The following WASHC3 variants were observed in gnomAD, a reference collection of about 807,000 sequenced individuals.
The protein encoded by WASHC3 is WASH complex subunit CCDC53.
A neutral mutation model predicts 26.1 loss-of-function variants in WASHC3; 24 were observed. That is an observed-to-expected ratio of 0.92 (90% confidence interval 0.66 to 1.29). The LOEUF (loss-of-function observed/expected upper bound fraction) is 1.29, where lower values mean the gene tolerates loss of function less well. Ranked by LOEUF, WASHC3 falls within the 50% of genes most tolerant of loss-of-function variation. The probability of loss-of-function intolerance (pLI) is 0.00; values close to 1 mark genes in which losing one functional copy is unlikely to be tolerated. For missense variants in WASHC3, 214 were observed against 229.6 expected, an observed-to-expected ratio of 0.93 and a Z score of 0.44; for synonymous variants, 77 against 75.7, an observed-to-expected ratio of 1.02 and a Z score of -0.09.
At chr12:102,046,451 C>T (rs921263182) in intron 2 of WASHC3, among the ~76,000 whole-genome samples, 8 of 152,092 alleles carry the variant, frequency 5.3e-5, no homozygotes, top group African/African-American at 9.7e-5. Flanking sequence ...CGTGCCACCA[C>T]GCCCAGCTAA....
Position 102,061,363 on chromosome 12 carries a change from C to T in WASHC3, c.52-17G>A. On this transcript the variant is annotated splice_polypyrimidine_tract_variant and intron_variant, in intron 1 of 6. Coordinates refer to ENST00000240079, the MANE Select transcript of WASHC3 (RefSeq NM_016053.4). ...AGCTGGCACCTGTGTTACGTAAAAA[C>T]AAACATGGTTCATACAGGAGGAACG... is the stretch of plus-strand genomic sequence containing the variant. The T allele has an allele frequency of 1.9e-6, 3 of 1,552,200 alleles. No individual in the cohort carries two copies. The highest frequency in any genetic ancestry group is 2.7e-6 in the Non-Finnish European group (3 of 1,124,010).
At chr12:102,019,595 A>G (rs1876864113) in intron 6 of WASHC3, among the ~76,000 whole-genome samples, 1 of 152,220 alleles carries the variant, frequency 6.6e-6, no homozygotes, top group South Asian at 2.1e-4. Flanking sequence ...CATGAATATC[A>G]TGTATATTTT....
chr12:102,044,632 A>C, intron 3 of WASHC3, among the ~76,000 whole-genome samples: 1 of 152,220 alleles, frequency 6.6e-6, no homozygotes, highest in East Asian at 1.9e-4. Context: ...ATACTTCGAA[A>C]AAAAAGGGCT....
chr12:102,026,549 T>C (rs1334616133), intron 5 of WASHC3, among the ~76,000 whole-genome samples: 2 of 152,216 alleles, frequency 1.3e-5, no homozygotes, highest in Admixed American at 1.3e-4. Flanking sequence ...CCTGGGACTA[T>C]ATTACACATC....
chr12:102,043,362 T>A (rs1286102819), intron 4 of WASHC3, among the ~76,000 whole-genome samples: 2 of 152,030 alleles, frequency 1.3e-5, no homozygotes, highest in Admixed American at 1.3e-4. Context: ...CTCTGCCTCG[T>A]GGGCTCAAGT....
intron 5 of WASHC3, among the ~76,000 whole-genome samples, chr12:102,036,762 C>T (rs191984321): frequency 2.0e-5 from 3 of 152,220 alleles, no homozygotes; most frequent in Admixed American, 2.0e-4. Context: ...GATATACCCT[C>T]ACCGAAGGCA....
intron 4 of WASHC3, 197 bp from the exon 5 acceptor site, chr12:102,040,175 A>G: frequency 3.1e-6 from 1 of 325,344 alleles, no homozygotes; most frequent in South Asian, 8.0e-5. Flanking sequence ...CATTTCAGAG[A>G]AGGTTACATT....
intron 5 of WASHC3, among the ~76,000 whole-genome samples, chr12:102,035,704 T>C (rs1303880684): frequency 6.6e-6 from 1 of 152,170 alleles, no homozygotes; most frequent in Non-Finnish European, 1.5e-5. Context: ...AGCACCTTTA[T>C]GGGTAAGGTG....
chr12:102,051,945 T>C (rs1878409570), intron 2 of WASHC3, among the ~76,000 whole-genome samples: 1 of 152,170 alleles, frequency 6.6e-6, no homozygotes, highest in Non-Finnish European at 1.5e-5. Context: ...ATATCCAAAT[T>C]GCTAAAATAT....
intron 4 of WASHC3, among the ~76,000 whole-genome samples, chr12:102,043,254 GAA>G (rs1878014241): frequency 6.6e-6 from 1 of 152,030 alleles, no homozygotes; most frequent in Non-Finnish European, 1.5e-5. Flanking sequence ...CAATACCAGA[GAA>G]TGTTTTATTT....
At position 102,034,642 on chromosome 12, in the gene WASHC3, T is replaced by C. The variant is rs147764248; in HGVS notation, c.435+5226A>G. On this transcript the variant is annotated intron_variant, in intron 5 of 6. Transcript: ENST00000240079. ...GAAGCTTTACGCTGAAATCAAAAGA[T>C]TAAAACATCCTCAGTTAAAATTTTA... Among the ~76,000 whole-genome samples, 338 of 152,154 alleles carry C rather than the reference T, an allele frequency of 2.2e-3. 1 individual carries two copies. Among genetic ancestry groups the C allele is most frequent in the African/African-American group, 7.9e-3 (327 of 41,538 alleles).
At chr12:102,052,308 G>T (rs1878422571) in intron 2 of WASHC3, among the ~76,000 whole-genome samples, 1 of 152,188 alleles carries the variant, frequency 6.6e-6, no homozygotes, top group Non-Finnish European at 1.5e-5. Context: ...ACTTTGCCTT[G>T]GACCACAACA....
At chr12:102,060,393 C>T (rs1040084026) in intron 2 of WASHC3, among the ~76,000 whole-genome samples, 2 of 152,300 alleles carry the variant, frequency 1.3e-5, no homozygotes, top group East Asian at 3.9e-4. Flanking sequence ...GATCCTCCTG[C>T]CTCTGCCTCC....
At chr12:102,021,925 T>G (rs1443249290) in intron 6 of WASHC3, among the ~76,000 whole-genome samples, 1 of 152,202 alleles carries the variant, frequency 6.6e-6, no homozygotes, top group Non-Finnish European at 1.5e-5. Flanking sequence ...GTGGCTACTT[T>G]TATTTCTGGC....
intron 5 of WASHC3, among the ~76,000 whole-genome samples, chr12:102,033,725 G>T (rs1251528579): frequency 1.4e-5 from 2 of 145,238 alleles, no homozygotes; most frequent in Non-Finnish European, 3.0e-5. Flanking sequence ...TATAAATACA[G>T]TTTTTTTTTT....
chr12:102,051,560 G>A (rs755250320), intron 2 of WASHC3, among the ~76,000 whole-genome samples: 1 of 152,226 alleles, frequency 6.6e-6, no homozygotes, highest in African/African-American at 2.4e-5. Flanking sequence ...TCTCTCACTT[G>A]AAGTTGACAT....
chr12:102,019,091 G>A (rs1043952345), intron 6 of WASHC3, among the ~76,000 whole-genome samples: 1 of 152,122 alleles, frequency 6.6e-6, no homozygotes, highest in African/African-American at 2.4e-5. Flanking sequence ...GAGCCACCGC[G>A]GCTGGCCCCC....
chr12:102,044,121 G>C lies in WASHC3; in HGVS notation c.308C>G (p.Thr103Ser), dbSNP rs532637842. The change falls in exon 4 of 7, where the codon ACT becomes AGT. Residue 103 changes from threonine (T) to serine (S), a missense_variant. Coordinates refer to ENST00000240079, the MANE Select transcript of WASHC3 (RefSeq NM_016053.4). The part of the protein sequence containing the change: ...SVTNGAHPEA[T>S]SEQPQQNSTQ... ...CTCACTTACCTGTGGTTGCTCTGAA[G>C]TGGCTTCAGGATGTGCTCCATTTGT... 1.3e-6 allele frequency: 2 copies of C among 1,599,456 alleles called. No homozygotes were observed. Among genetic ancestry groups the C allele is most frequent in the East Asian group, 4.5e-5 (2 of 44,352 alleles).
intron 6 of WASHC3, among the ~76,000 whole-genome samples, chr12:102,020,082 A>G (rs1454558017): frequency 6.6e-6 from 1 of 152,218 alleles, no homozygotes; most frequent in African/African-American, 2.4e-5. Context: ...ATTCGAGGAA[A>G]GGCACACAAT....
Sources: gnomAD v4.1 joint callset for allele counts (sites outside exome capture counted in the v4.1 genomes callset) on GRCh38, gnomAD v4.1.1 for gene constraint, MANE v1.5 for transcripts, NCBI Gene and HGNC (gene_info 2026-07-23, HGNC 2026-07-21) for gene names.